C2orf76: variants seen among roughly 807,000 people sequenced by gnomAD.
C2orf76 encodes the protein chromosome 2 open reading frame 76, also known as UPF0538 protein C2orf76.
C2orf76 carries 23 observed loss-of-function variants against 16.9 expected under a neutral mutation model. That is an observed-to-expected ratio of 1.36 (90% CI 0.98 to 1.93). The LOEUF is 1.93. C2orf76 is among the 30% of genes most tolerant of loss of function. C2orf76 has a pLI of 0.00. For synonymous variants in C2orf76, 48 were observed against 52.3 expected (o/e 0.92, Z 0.35); for missense variants, 152 against 152.6 (o/e 1.00, Z 0.02).
Position 119,339,842 on chromosome 2 carries a change from C to G in C2orf76, c.118G>C (p.Val40Leu). The change falls in exon 2 of 6, where the codon GTA becomes CTA. Residue 40 changes from valine (V) to leucine (L), a missense_variant. Coordinates refer to ENST00000334816, the MANE Select transcript of C2orf76 (RefSeq NM_001322331.2). The part of the protein sequence containing the change: ...NLDQTVKEFI[V>L]FLKQDIPLRT... ...CATCTCATACCTTGCTTTAGAAATA[C>G]GATAAATTCCTTTACAGTTTGGTCC... is the stretch of plus-strand genomic sequence containing the variant. The G allele has an allele frequency of 6.2e-7, 1 of 1,600,330 alleles. No homozygotes were observed. The highest frequency in any genetic ancestry group is 8.6e-7 in the Non-Finnish European group (1 of 1,168,960).
chr2:119,340,308 A>T, intron 1 of C2orf76: 1 of 195,784 alleles, frequency 5.1e-6, no homozygotes, highest in Non-Finnish European at 1.0e-5. Flanking sequence ...ACAAACACAC[A>T]GCAGACACAC....
rs755231861 is a variant in C2orf76 at position 119,302,560 on chromosome 2, CAG to C, written c.305-14_305-13del. 6.8e-7 allele frequency: 1 copy of C among 1,468,856 alleles called. No homozygotes were observed. Among genetic ancestry groups the C allele is most frequent in the Admixed American group, 2.1e-5 (1 of 48,336 alleles). 91.0% of individuals were successfully genotyped at this position (1,468,856 alleles called of 1,614,324 possible). The stretch of plus-strand genomic sequence containing the variant: ...TTCAGTTTCACTGGCTGAAAAAAAA[CAG>C]AAAATGGAAAAAAAGATTTTAATGT... On this transcript the variant is annotated splice_polypyrimidine_tract_variant and intron_variant, in intron 5 of 5. Transcript: ENST00000334816.
intron 1 of C2orf76, among the ~76,000 whole-genome samples, chr2:119,349,520 T>G (rs1199529925): frequency 6.6e-6 from 1 of 152,166 alleles, no homozygotes; most frequent in Non-Finnish European, 1.5e-5. Context: ...GTGGTATACG[T>G]CAACATCAAA....
At chr2:119,311,321 A>T (rs557895243) in intron 5 of C2orf76, 1 of 985,460 alleles carries the variant, frequency 1.0e-6, no homozygotes, top group African/African-American at 1.7e-5. Context: ...CAATGATAAG[A>T]GTAAGTAGAC....
At chr2:119,317,242 CT>C (rs1410017034) in intron 4 of C2orf76, among the ~76,000 whole-genome samples, 2 of 152,026 alleles carry the variant, frequency 1.3e-5, no homozygotes, top group Non-Finnish European at 2.9e-5. Context: ...ATATGGTATA[CT>C]TTTTTTAATT....
intron 1 of C2orf76, among the ~76,000 whole-genome samples, chr2:119,341,131 A>G (rs929408399): frequency 5.3e-5 from 8 of 152,156 alleles, no homozygotes; most frequent in Non-Finnish European, 8.8e-5. Context: ...CAGAAAATAG[A>G]CTATTATGCA....
At chr2:119,282,467 C>T in the C2orf76 span, among the ~76,000 whole-genome samples, 2 of 152,226 alleles carry the variant, frequency 1.3e-5, no homozygotes, top group Non-Finnish European at 2.9e-5. Context: ...TGTTCTCTTT[C>T]GCAGGCAGAG....
chr2:119,360,717 A>G (rs1680718477), intron 1 of C2orf76, among the ~76,000 whole-genome samples: 1 of 152,220 alleles, frequency 6.6e-6, no homozygotes, highest in Non-Finnish European at 1.5e-5. Context: ...CATAATAGCC[A>G]AAAAGTGGAA....
At chr2:119,353,085 T>G (rs1179235556) in intron 1 of C2orf76, among the ~76,000 whole-genome samples, 1 of 152,190 alleles carries the variant, frequency 6.6e-6, no homozygotes, top group Non-Finnish European at 1.5e-5. Flanking sequence ...ATGCAAATGA[T>G]TCTGAAACTG....
chr2:119,310,575 G>A (rs548277877), intron 5 of C2orf76, among the ~76,000 whole-genome samples: 2 of 152,122 alleles, frequency 1.3e-5, no homozygotes, highest in Non-Finnish European at 2.9e-5. Context: ...GGCTCCCAAT[G>A]TGCACCTCAC....
chr2:119,362,983 C>T (rs1451631749), intron 1 of C2orf76, among the ~76,000 whole-genome samples: 3 of 152,106 alleles, frequency 2.0e-5, no homozygotes, highest in Non-Finnish European at 4.4e-5. Flanking sequence ...GCTGCCAGGC[C>T]TCCTCTCACC....
chr2:119,282,495 T>C, the C2orf76 span, among the ~76,000 whole-genome samples: 44 of 152,202 alleles, frequency 2.9e-4, no homozygotes, highest in Non-Finnish European at 4.0e-4. Context: ...TTAATTTTCA[T>C]GCATTTATTC....
chr2:119,292,471 A>C, the C2orf76 span, among the ~76,000 whole-genome samples: 1 of 152,184 alleles, frequency 6.6e-6, no homozygotes. Flanking sequence ...ATGAAAATGC[A>C]AGTGCAGCAG....
At chr2:119,311,902 C>G (rs1040198599) in intron 4 of C2orf76, among the ~76,000 whole-genome samples, 199 bp from the exon 5 acceptor site, 1 of 152,094 alleles carries the variant, frequency 6.6e-6, no homozygotes, top group African/African-American at 2.4e-5. Context: ...GCAGTGGGGA[C>G]AGTTCTGTGG....
chr2:119,365,759 C>A (rs1196215010), intron 1 of C2orf76, among the ~76,000 whole-genome samples: 2 of 152,204 alleles, frequency 1.3e-5, no homozygotes, highest in East Asian at 3.8e-4. Flanking sequence ...AAAACACTTC[C>A]AGACACCTGT....
At chr2:119,330,346 T>G in intron 2 of C2orf76, among the ~76,000 whole-genome samples, 1 of 125,906 alleles carries the variant, frequency 7.9e-6, no homozygotes, top group East Asian at 2.1e-4. Context: ...CACTGCACTC[T>G]CCATCTCAAA....
intron 5 of C2orf76, among the ~76,000 whole-genome samples, chr2:119,306,899 C>A (rs6542520): frequency 2.0e-5 from 3 of 151,854 alleles, no homozygotes; most frequent in African/African-American, 4.8e-5. Flanking sequence ...CTTCAAACAC[C>A]TTTTTTTCCC....
chr2:119,364,741 T>C (rs972005314), intron 1 of C2orf76, among the ~76,000 whole-genome samples: 3 of 152,154 alleles, frequency 2.0e-5, no homozygotes, highest in African/African-American at 7.2e-5. Flanking sequence ...AACAAGGACA[T>C]AAACAGAGCT....
At chr2:119,352,046 G>A (rs1240118340) in intron 1 of C2orf76, among the ~76,000 whole-genome samples, 1 of 152,176 alleles carries the variant, frequency 6.6e-6, no homozygotes, top group Non-Finnish European at 1.5e-5. Flanking sequence ...TCCAAAATGA[G>A]CTATTAGAAG....
Sources: gnomAD v4.1 joint callset for allele counts (sites outside exome capture counted in the v4.1 genomes callset) on GRCh38, gnomAD v4.1.1 for gene constraint, MANE v1.5 for transcripts, NCBI Gene and HGNC (gene_info 2026-07-23, HGNC 2026-07-21) for gene names.